The following ZNF3 variants were observed in gnomAD, a reference collection of about 807,000 sequenced individuals.
The protein encoded by ZNF3 is C2-H2 type zinc finger protein.
ZNF3 carries 16 observed loss-of-function variants against 36.9 expected under a neutral mutation model. The observed-to-expected ratio is 0.43, with a 90% CI of 0.29 to 0.66. The LOEUF (loss-of-function observed/expected upper bound fraction) is 0.66. ZNF3 is among the 30% of genes least tolerant of loss of function. The probability of loss-of-function intolerance (pLI) is 0.13; values close to 1 mark genes in which losing one functional copy is unlikely to be tolerated. For synonymous variants in ZNF3, 201 were observed against 201.9 expected (o/e 1.00, Z 0.04); for missense variants, 462 against 543.1 (o/e 0.85, Z 1.48).
intron 5 of ZNF3, 131 bp from the exon 6 acceptor site, chr7:100,072,343 G>A (rs1793319697): frequency 2.4e-6 from 2 of 840,464 alleles, no homozygotes; most frequent in South Asian, 1.8e-5. Context: ...TGCCCCACAT[G>A]TGTGCGGCTA....
Position 100,075,603 on chromosome 7 carries a change from GA to G in ZNF3, c.82del (p.Ser28ProfsTer16), listed in dbSNP as rs1304958633. 2.5e-6 allele frequency: 4 copies of G among 1,614,128 alleles called. No homozygotes were observed. Among genetic ancestry groups the G allele is most frequent in the Non-Finnish European group, 3.4e-6 (4 of 1,180,012 alleles). ...SALPSKVPAF[S>X]DKDSLGDEML... ...CTCATCCCCCAGGCTGTCCTTGTCG[GA>G]AAAGGCAGGAACTTTTGAAGGAAGA... On this transcript the variant is annotated frameshift_variant, in exon 4 of 6. Coordinates refer to ENST00000299667, the MANE Select transcript of ZNF3 (RefSeq NM_032924.5). LOFTEE classifies it high-confidence loss of function.
chr7:100,074,226 G>A (rs1315962042), intron 5 of ZNF3, among the ~76,000 whole-genome samples: 1 of 151,854 alleles, frequency 6.6e-6, no homozygotes, highest in Non-Finnish European at 1.5e-5. Context: ...CCCAACTGAT[G>A]ACCATGCATG....
Position 100,071,023 on chromosome 7 carries a change from C to A in ZNF3, c.*120G>T. On this transcript the variant is annotated 3_prime_UTR_variant, in exon 6 of 6. Transcript: ENST00000299667. The stretch of plus-strand genomic sequence containing the variant: ...ATTCAACGATTTGCCCCATCTGCCC[C>A]ATTCTCTAAAATGAAAAGTCTGAGT... The A allele has an allele frequency of 6.7e-7, 1 of 1,493,064 alleles. No homozygotes were observed. The highest frequency in any genetic ancestry group is 8.9e-7 in the Non-Finnish European group (1 of 1,125,070). The allele number at this position is 1,493,064 out of a possible 1,614,324, so 92.5% of individuals were successfully genotyped here.
intron 2 of ZNF3, 80 bp from the exon 3 acceptor site, chr7:100,077,513 G>T: frequency 7.3e-7 from 1 of 1,371,924 alleles, no homozygotes; most frequent in Non-Finnish European, 9.8e-7. Flanking sequence ...TAGTATTTCA[G>T]TGAGTACCCA....
rs1238688783 is a variant in ZNF3 at position 100,081,514 on chromosome 7, C to A, written c.-198+121G>T. 1 of 152,406 alleles carries A rather than the reference C, an allele frequency of 6.6e-6. No individual in the cohort carries two copies. Among genetic ancestry groups the A allele is most frequent in the Non-Finnish European group, 1.5e-5 (1 of 68,230 alleles). 9.4% of individuals were successfully genotyped at this position (152,406 alleles called of 1,614,324 possible). A position where few individuals can be genotyped will look rare whatever the true frequency, so the allele number is the denominator to read the frequency against. On this transcript the variant is annotated intron_variant, in intron 1 of 5. Coordinates refer to ENST00000299667, the MANE Select transcript of ZNF3 (RefSeq NM_032924.5). This position sits in a 1 kb window ranked among gnomAD's most constrained non-coding sequence, Gnocchi z 4.3. ...GCTGCAGGGGACGGAGGGGCGCCTCCCCGAACCCTGCTCCGGGCCGGCCGG... is the reference window on the plus strand; with the variant it reads ...GCTGCAGGGGACGGAGGGGCGCCTCACCGAACCCTGCTCCGGGCCGGCCGG...
chr7:100,064,159 C>T (rs753516656), exon 6 of ZNF3: 22 of 1,613,886 alleles, frequency 1.4e-5, no homozygotes, highest in Non-Finnish European at 8.5e-7. Flanking sequence ...AAACCTCACC[C>T]TCCACTACAG....
downstream of ZNF3, chr7:100,063,962 A>G: frequency 6.2e-7 from 1 of 1,614,188 alleles, no homozygotes; most frequent in Non-Finnish European, 8.5e-7. Context: ...CCTCTTCAAG[A>G]GGCAGGCTCC....
At position 100,070,791 on chromosome 7, in the gene ZNF3, A is replaced by G. The variant is rs1793002340; in HGVS notation, c.*352T>C. On this transcript the variant is annotated 3_prime_UTR_variant, in exon 6 of 6. Coordinates refer to ENST00000299667, the MANE Select transcript of ZNF3 (RefSeq NM_032924.5). ...CTTTCCACTGCTGTCTGTGCTGACT[A>G]CGCGGACTCCAACTAAAGGAATCCA... is the stretch of plus-strand genomic sequence containing the variant. The G allele has an allele frequency of 1.9e-6, 2 of 1,061,842 alleles. No individual in the cohort carries two copies. The highest frequency in any genetic ancestry group is 9.7e-5 in the Admixed American group (2 of 20,680). 65.8% of individuals were successfully genotyped at this position (1,061,842 alleles called of 1,614,324 possible). A position where few individuals can be genotyped will look rare whatever the true frequency, so the allele number is the denominator to read the frequency against.
At position 100,077,378 on chromosome 7, in the gene ZNF3, G is replaced by A; in HGVS notation, c.-21C>T. 1 of 1,613,658 alleles carries A rather than the reference G, an allele frequency of 6.2e-7. No individual in the cohort carries two copies. Among genetic ancestry groups the A allele is most frequent in the Non-Finnish European group, 8.5e-7 (1 of 1,179,908 alleles). Reference sequence around the variant, plus strand: ...TCCATGGAAGGGCAAGGTGCTCTCTGGTCTCCTGGGTGCAGACTCAGCGGG... The same window carrying A: ...TCCATGGAAGGGCAAGGTGCTCTCTAGTCTCCTGGGTGCAGACTCAGCGGG... On this transcript the variant is annotated 5_prime_UTR_variant, in exon 3 of 6. Coordinates refer to ENST00000299667, the MANE Select transcript of ZNF3 (RefSeq NM_032924.5).
At chr7:100,072,632 G>C (rs1005849765) in intron 5 of ZNF3, among the ~76,000 whole-genome samples, 7 of 152,160 alleles carry the variant, frequency 4.6e-5, no homozygotes, top group African/African-American at 1.7e-4. Context: ...AGGGGGGAAG[G>C]GTGAGGAGAG....
chr7:100,064,324 C>G (rs371893061), exon 6 of ZNF3: 1 of 1,613,394 alleles, frequency 6.2e-7, no homozygotes, highest in African/African-American at 1.3e-5. Flanking sequence ...CAGCCTCATT[C>G]GTCACTATCG....
Position 100,077,330 on chromosome 7 carries a change from G to A in ZNF3, c.28C>T (p.Gln10Ter), listed in dbSNP as rs1259819079. The part of the protein sequence containing the change: METQADLVS[Q>*]EPQALLDSAL... ...CTGTCAAGCAGGGCCTGAGGTTCCT[G>A]AGATACGAGATCAGCCTGAGTTTCC... The change falls in exon 3 of 6, where the codon CAG (glutamine) becomes TAG (stop). Residue 10 changes from glutamine to a stop codon, truncating the protein, a stop_gained. Coordinates refer to ENST00000299667, the MANE Select transcript of ZNF3 (RefSeq NM_032924.5). LOFTEE classifies it high-confidence loss of function. 1 of 1,613,986 alleles carries A rather than the reference G, an allele frequency of 6.2e-7. No individual in the cohort carries two copies. Among genetic ancestry groups the A allele is most frequent in the South Asian group, 1.1e-5 (1 of 91,070 alleles).
Position 100,075,583 on chromosome 7 carries a change from C to T in ZNF3, c.103G>A (p.Asp35Asn), listed in dbSNP as rs79682197. ...PAFSDKDSLG[D>N]EMLAAALLKA... ...AGGAGCGCAGCCGCCAACATCTCAT[C>T]CCCCAGGCTGTCCTTGTCGGAAAAG... The change falls in exon 4 of 6, where the codon GAT becomes AAT. Residue 35 changes from aspartate to asparagine, a missense_variant. By Grantham distance (23) the Asp-to-Asn change is conservative. Transcript: ENST00000299667. 78 of 1,614,136 alleles carry T rather than the reference C, an allele frequency of 4.8e-5. No homozygotes were observed. The East Asian group carries it at 1.0e-3, about 21-fold the overall frequency.
intron 1 of ZNF3, among the ~76,000 whole-genome samples, chr7:100,080,091 A>G (rs1794750604): frequency 6.6e-6 from 1 of 152,108 alleles, no homozygotes; most frequent in Non-Finnish European, 1.5e-5. Context: ...TAAGACCACC[A>G]CCACAACTAG....
chr7:100,071,159 ATAT>A lies in ZNF3; in HGVS notation c.1322_1324del (p.Asn441del). The A allele has an allele frequency of 6.3e-7, 1 of 1,594,574 alleles. No individual in the cohort carries two copies. Among genetic ancestry groups the A allele is most frequent in the Non-Finnish European group, 8.6e-7 (1 of 1,169,358 alleles). ...GTGGCTCTTTCACGTGGACTCTCTG[ATAT>A]TTAACTCGGTCGTAACTCTGAGGGA... On this transcript the variant is annotated inframe_deletion, in exon 6 of 6. Coordinates refer to ENST00000299667, the MANE Select transcript of ZNF3 (RefSeq NM_032924.5).
At chr7:100,065,072 T>G, downstream of ZNF3, 1 of 988,566 alleles carries the variant, frequency 1.0e-6, no homozygotes, top group Admixed American at 2.8e-5. Context: ...ACAAATGATG[T>G]GTTGGTTATT....
At chr7:100,067,188 CCTA>C (rs1792693412), downstream of ZNF3, among the ~76,000 whole-genome samples, 4 of 152,316 alleles carry the variant, frequency 2.6e-5, no homozygotes, top group South Asian at 2.1e-4. Flanking sequence ...GGCAGAATCT[CCTA>C]CTATTAACCC....
At chr7:100,076,894 A>G (rs1794204668) in intron 3 of ZNF3, 1 of 181,856 alleles carries the variant, frequency 5.5e-6, no homozygotes, top group East Asian at 1.4e-4. Flanking sequence ...AGCCTGACCA[A>G]CATGGCAAAA....
At chr7:100,074,630 G>A (rs1393677778) in intron 5 of ZNF3, among the ~76,000 whole-genome samples, 1 of 152,180 alleles carries the variant, frequency 6.6e-6, no homozygotes, top group African/African-American at 2.4e-5. Context: ...CAATTAATGT[G>A]TTACTGTGAA....
Sources: gnomAD v4.1 joint callset for allele counts (sites outside exome capture counted in the v4.1 genomes callset) on GRCh38, gnomAD v4.1.1 for gene constraint, Gnocchi (gnomAD v3.1) non-coding constraint, MANE v1.5 for transcripts, NCBI Gene and HGNC (gene_info 2026-07-23, HGNC 2026-07-21) for gene names.